The following MROH2B variants were observed in gnomAD, a reference collection of about 807,000 sequenced individuals.
MROH2B encodes the protein maestro heat-like repeat-containing protein family member 2B.
In MROH2B, 177 loss-of-function variants were observed where a neutral mutation model predicts 208.6. That is an observed-to-expected ratio of 0.85 (90% CI 0.75 to 0.96). MROH2B has a LOEUF of 0.96. Ranked by LOEUF, MROH2B falls within the 40% of genes least tolerant of loss-of-function variation. The pLI is 0.00. For missense variants in MROH2B, 2,002 were observed against 1,878.7 expected (o/e 1.07, Z -1.21); for synonymous variants, 728 against 659.0 (o/e 1.10, Z -1.60).
At position 41,005,601 on chromosome 5, in the gene MROH2B, T is replaced by G. The variant is rs1435093006; in HGVS notation, c.3794A>C (p.Glu1265Ala). The G allele has an allele frequency of 6.2e-7, 1 of 1,612,106 alleles. No homozygotes were observed. The highest frequency in any genetic ancestry group is 1.7e-5 in the Admixed American group (1 of 59,820). Reference protein sequence around the residue: ...WQHGVILDIMEQLLSSLTSSS... With the variant: ...WQHGVILDIMAQLLSSLTSSS... ...GGAGGTAAGAGATGAGAGCAGCTGT[T>G]CCATGATGTCCAGTATGACTCCGTG... The change falls in exon 35 of 42, where the codon GAA becomes GCA. Residue 1265 changes from glutamate to alanine, a missense_variant. Coordinates refer to ENST00000399564, the MANE Select transcript of MROH2B (RefSeq NM_173489.5).
Position 41,008,715 on chromosome 5 carries a change from G to A in MROH2B, c.3499C>T (p.Leu1167=). ...CCCAGTGTGCAGCTAACCAGCTTCA[G>A]GAGGAGAGTGAACAGCTCTGGATAC... ...GLYPELFTLL[L]KLVSCTLGQK... Residue 1167 remains leucine (L), a synonymous_variant, in exon 33 of 42, where the codon CTG becomes TTG. Transcript: ENST00000399564. 1.2e-6 allele frequency: 2 copies of A among 1,613,318 alleles called. No homozygotes were observed.
In MROH2B at chr5:41,005,597, C is replaced by T. The variant is rs141655634; in HGVS notation, c.3798G>A (p.Gln1266=). 1.4e-3 allele frequency: 2,262 copies of T among 1,612,152 alleles called. 7 individuals carry two copies. The highest frequency in any genetic ancestry group is 0.01 in the Middle Eastern group (62 of 6,062). Reference sequence around the variant, plus strand: ...AGGAGGAGGTAAGAGATGAGAGCAGCTGTTCCATGATGTCCAGTATGACTC... The same window carrying T: ...AGGAGGAGGTAAGAGATGAGAGCAGTTGTTCCATGATGTCCAGTATGACTC... The part of the protein sequence containing the change: ...QHGVILDIME[Q]LLSSLTSSSE... The change falls in exon 35 of 42, where the codon CAG becomes CAA. Residue 1266 remains glutamine (Q), a synonymous_variant. Transcript: ENST00000399564.
chr5:41,056,687 T>A (rs1242581451), intron 9 of MROH2B, among the ~76,000 whole-genome samples: 1 of 147,672 alleles, frequency 6.8e-6, no homozygotes, highest in Non-Finnish European at 1.5e-5. Flanking sequence ...GAGTGACTGA[T>A]GGTTAAAGAG....
Position 41,065,435 on chromosome 5 carries a change from T to C in MROH2B, c.257A>G (p.His86Arg), listed in dbSNP as rs1743772148. 1.2e-6 allele frequency: 2 copies of C among 1,613,484 alleles called. No homozygotes were observed. Among genetic ancestry groups the C allele is most frequent in the Non-Finnish European group, 1.7e-6 (2 of 1,179,722 alleles). Residue 86 changes from histidine (H) to arginine (R), a missense_variant, in exon 4 of 42, where the codon CAT becomes CGT. Coordinates refer to ENST00000399564, the MANE Select transcript of MROH2B (RefSeq NM_173489.5). ...TTCATACATCACAGAGTTGAAATCA[T>C]GTGCAGCAAGAGACACCAAAACCTC... ...AGEVLVSLAAHDFNSVMYEVQ... is the reference protein window; with the variant it reads ...AGEVLVSLAARDFNSVMYEVQ...
intron 10 of MROH2B, among the ~76,000 whole-genome samples, 173 bp from the exon 11 acceptor site, chr5:41,055,013 T>C (rs1743402078): frequency 6.6e-6 from 1 of 152,246 alleles, no homozygotes. Context: ...TCTTTAATGA[T>C]GTCCAATGCT....
Position 41,055,630 on chromosome 5 carries a change from C to T in MROH2B, c.1033+112G>A, listed in dbSNP as rs554569694. The stretch of plus-strand genomic sequence containing the variant: ...TTAAGAAGACAGAATTTCATTTGCA[C>T]GTGATGTTATATAAGCATCCAAAAG... On this transcript the variant is annotated intron_variant, in intron 10 of 41. Transcript: ENST00000399564. 9.6e-5 allele frequency: 66 copies of T among 684,478 alleles called. No homozygotes were observed. The South Asian group carries it at 9.7e-4, about 10-fold the overall frequency. 42.4% of individuals were successfully genotyped at this position (684,478 alleles called of 1,614,324 possible).
intron 30 of MROH2B, among the ~76,000 whole-genome samples, chr5:41,012,291 C>T (rs959714062): frequency 6.6e-6 from 1 of 152,208 alleles, no homozygotes; most frequent in Non-Finnish European, 1.5e-5. Flanking sequence ...CCTTACATCT[C>T]TAACAACCCT....
At chr5:41,003,599 T>G (rs919506138) in intron 37 of MROH2B, among the ~76,000 whole-genome samples, 2 of 152,172 alleles carry the variant, frequency 1.3e-5, no homozygotes, top group Admixed American at 1.3e-4. Flanking sequence ...GCAGAAAAAT[T>G]AGGTTTATGA....
chr5:41,038,978 A>G (rs2150170281), intron 20 of MROH2B, 90 bp from the exon 21 acceptor site: 1 of 1,202,174 alleles, frequency 8.3e-7, no homozygotes, highest in East Asian at 2.3e-5. Flanking sequence ...GGACCACTAT[A>G]GGGGATAAGA....
chr5:41,012,793 C>G, intron 29 of MROH2B, 58 bp from the exon 30 acceptor site: 1 of 1,595,322 alleles, frequency 6.3e-7, no homozygotes, highest in Admixed American at 1.7e-5. Context: ...TATCTAGATA[C>G]TTACAACATG....
chr5:41,043,589 C>T (rs1669972627), intron 18 of MROH2B, among the ~76,000 whole-genome samples: 1 of 152,162 alleles, frequency 6.6e-6, no homozygotes, highest in Non-Finnish European at 1.5e-5. Flanking sequence ...CATAGTACAT[C>T]CCTGCTTTAA....
intron 29 of MROH2B, among the ~76,000 whole-genome samples, chr5:41,013,739 C>T (rs1741847422): frequency 6.6e-6 from 1 of 152,144 alleles, no homozygotes; most frequent in Non-Finnish European, 1.5e-5. Flanking sequence ...GATTCAGGAG[C>T]AAAGGAAGGA....
intron 24 of MROH2B, among the ~76,000 whole-genome samples, chr5:41,030,286 G>T (rs1742519776): frequency 6.6e-6 from 1 of 151,762 alleles, no homozygotes; most frequent in African/African-American, 2.4e-5. Flanking sequence ...CCATTAGAAT[G>T]GGTATAAAAA....
At chr5:41,020,593 T>C (rs1314558369) in intron 24 of MROH2B, among the ~76,000 whole-genome samples, 1 of 152,228 alleles carries the variant, frequency 6.6e-6, no homozygotes, top group Non-Finnish European at 1.5e-5. Context: ...TAGATGCCAC[T>C]TAATAATATT....
In MROH2B at chr5:41,069,810, T is replaced by C; in HGVS notation, c.29-58A>G. 9.5e-6 allele frequency: 12 copies of C among 1,267,520 alleles called. No homozygotes were observed. In the South Asian group the frequency reaches 1.6e-4, roughly 16 times the overall value. 78.5% of individuals were successfully genotyped at this position (1,267,520 alleles called of 1,614,324 possible). A position where few individuals can be genotyped will look rare whatever the true frequency, so the allele number is the denominator to read the frequency against. On this transcript the variant is annotated intron_variant, in intron 1 of 41. Transcript: ENST00000399564. ...TATGCTGAAATGCCCTCCTGTTAAT[T>C]ATTTTGTAATCAACACAGAAAGTTC...
At chr5:41,032,975 A>G in intron 23 of MROH2B, 66 bp downstream of exon 23, 3 of 1,595,856 alleles carry the variant, frequency 1.9e-6, no homozygotes, top group Non-Finnish European at 2.6e-6. Context: ...CTTTTTAAAA[A>G]GATAGCCCTG....
chr5:41,004,804 G>T lies in MROH2B; in HGVS notation c.3981C>A (p.Leu1327=), dbSNP rs759114326. The change falls in exon 36 of 42, where the codon CTC becomes CTA. Residue 1327 remains leucine (L), a synonymous_variant. Coordinates refer to ENST00000399564, the MANE Select transcript of MROH2B (RefSeq NM_173489.5). The part of the protein sequence containing the change: ...ATLRQMAIRG[L]GNTASGAPHK... ...GAGGAGCCCCGGATGCTGTGTTGCC[G>T]AGCCCTCGGATGGCCATCTGCCTCA... The T allele has an allele frequency of 3.1e-6, 5 of 1,613,768 alleles. No individual in the cohort carries two copies. Among genetic ancestry groups the T allele is most frequent in the Non-Finnish European group, 3.4e-6 (4 of 1,179,884 alleles).
chr5:41,069,940 C>T (rs994713050), intron 1 of MROH2B, among the ~76,000 whole-genome samples, 188 bp from the exon 2 acceptor site: 1 of 152,048 alleles, frequency 6.6e-6, no homozygotes, highest in African/African-American at 2.4e-5. Flanking sequence ...CTAGCAGATG[C>T]TAAGTTATTA....
At chr5:41,063,353 G>T (rs772831314) in intron 5 of MROH2B, among the ~76,000 whole-genome samples, 55 of 152,126 alleles carry the variant, frequency 3.6e-4, no homozygotes, top group Non-Finnish European at 7.4e-4. Context: ...TCTTGGCTCT[G>T]CCATGTACTG....
Sources: gnomAD v4.1 joint callset for allele counts (sites outside exome capture counted in the v4.1 genomes callset) on GRCh38, gnomAD v4.1.1 for gene constraint, MANE v1.5 for transcripts, NCBI Gene and HGNC (gene_info 2026-07-23, HGNC 2026-07-21) for gene names.